SDK1: variants seen among roughly 807,000 people sequenced by gnomAD.
SDK1 encodes sidekick cell adhesion molecule 1.
Under a neutral mutation model 245.5 loss-of-function variants are expected in SDK1, and 157 were observed. That is an observed-to-expected ratio of 0.64 (90% CI 0.56 to 0.73). SDK1 has a LOEUF of 0.73. SDK1 is among the 30% of genes least tolerant of loss of function. The probability of loss-of-function intolerance (pLI) is 0.00; values close to 1 mark genes in which losing one functional copy is unlikely to be tolerated. For missense variants in SDK1, 3,583 were observed against 3,002.3 expected (o/e 1.19, Z -4.52); for synonymous variants, 1,647 against 1,278.5 (o/e 1.29, Z -6.15).
At chr7:3,579,783 A>G (rs563390594) in intron 1 of SDK1, among the ~76,000 whole-genome samples, 9 of 152,308 alleles carry the variant, frequency 5.9e-5, no homozygotes, top group African/African-American at 2.2e-4. Context: ...CAGGCAAAGA[A>G]AGGGCATCCA....
chr7:3,710,465 A>G (rs566715259), intron 4 of SDK1, among the ~76,000 whole-genome samples: 5 of 152,358 alleles, frequency 3.3e-5, no homozygotes, highest in Non-Finnish European at 5.9e-5. Flanking sequence ...TTAAGGACTA[A>G]TGTCATTAGG....
At chr7:3,728,742 A>G (rs1351565990) in intron 4 of SDK1, among the ~76,000 whole-genome samples, 1 of 152,112 alleles carries the variant, frequency 6.6e-6, no homozygotes, top group African/African-American at 2.4e-5. Flanking sequence ...AGTAGCTGGG[A>G]TTACAGGCAT....
intron 4 of SDK1, among the ~76,000 whole-genome samples, chr7:3,646,972 T>C (rs6945355): frequency 0.037 from 5,613 of 152,292 alleles, 308 homozygotes; most frequent in African/African-American, 0.12. Flanking sequence ...TGGGGAGTTA[T>C]GTTTAATGGG....
chr7:3,603,471 T>C (rs962343357), intron 1 of SDK1, among the ~76,000 whole-genome samples: 1 of 151,596 alleles, frequency 6.6e-6, no homozygotes, highest in Non-Finnish European at 1.5e-5. Flanking sequence ...ACTCATGATT[T>C]GGCTCTCTGT....
chr7:4,238,110 C>T (rs1786294631), intron 42 of SDK1, among the ~76,000 whole-genome samples: 1 of 151,428 alleles, frequency 6.6e-6, no homozygotes, highest in Admixed American at 6.6e-5. Flanking sequence ...TTTACAGTCT[C>T]ACTCTGTCAC....
intron 1 of SDK1, among the ~76,000 whole-genome samples, chr7:3,456,436 A>T (rs1302780736): frequency 1.3e-5 from 2 of 152,112 alleles, no homozygotes; most frequent in Non-Finnish European, 2.9e-5. Context: ...GTTGCTGGTC[A>T]ATTCCATTGC....
chr7:3,803,923 C>T (rs1033662664), intron 4 of SDK1, among the ~76,000 whole-genome samples: 1 of 151,678 alleles, frequency 6.6e-6, no homozygotes, highest in Non-Finnish European at 1.5e-5. Flanking sequence ...CGCCACCACG[C>T]CTGGTTAATT....
chr7:4,210,052 T>C lies in SDK1; in HGVS notation c.5429T>C (p.Phe1810Ser). The C allele has an allele frequency of 6.3e-7, 1 of 1,597,748 alleles. No individual in the cohort carries two copies. Among genetic ancestry groups the C allele is most frequent in the Non-Finnish European group, 8.5e-7 (1 of 1,174,108 alleles). ...AAPGAPSFLA[F>S]SEITSTTLNV... Reference sequence around the variant, plus strand: ...CCTGGGGCCCCCAGCTTTCTGGCGTTCTCAGAAATAACCTCCACCACGCTC... The same window carrying C: ...CCTGGGGCCCCCAGCTTTCTGGCGTCCTCAGAAATAACCTCCACCACGCTC... The change falls in exon 38 of 45, where the codon TTC (phenylalanine) becomes TCC (serine). Residue 1810 changes from phenylalanine to serine, a missense_variant. Transcript: ENST00000404826.
intron 13 of SDK1, among the ~76,000 whole-genome samples, chr7:3,981,396 A>G (rs1332383962): frequency 2.0e-5 from 3 of 152,122 alleles, no homozygotes; most frequent in African/African-American, 7.2e-5. Context: ...GCCAGTTAAT[A>G]ACCCTGCAAA....
intron 4 of SDK1, among the ~76,000 whole-genome samples, chr7:3,676,839 A>G (rs1422705145): frequency 2.6e-5 from 4 of 151,994 alleles, no homozygotes; most frequent in African/African-American, 9.7e-5. Context: ...GTGTGGCTTT[A>G]TTTCTGGGTT....
chr7:3,484,253 T>G (rs961393942), intron 1 of SDK1, among the ~76,000 whole-genome samples: 1 of 152,228 alleles, frequency 6.6e-6, no homozygotes, highest in Admixed American at 6.5e-5. Flanking sequence ...CTGTACAGTT[T>G]TGTAGGATTT....
chr7:3,807,248 A>AACCTCCAGAACAGTCCCAAAGAAGGCC, intron 4 of SDK1, among the ~76,000 whole-genome samples: 1 of 152,164 alleles, frequency 6.6e-6, no homozygotes, highest in South Asian at 2.1e-4. Flanking sequence ...TGGAGAAGGT[A>AACCTCCAGAACAGTCCCAAAGAAGGCC]ACCTCCAGAA....
intron 1 of SDK1, among the ~76,000 whole-genome samples, chr7:3,534,291 G>C (rs1160114193): frequency 6.6e-6 from 1 of 151,882 alleles, no homozygotes; most frequent in Non-Finnish European, 1.5e-5. Context: ...CCATTCATCT[G>C]TCACCAGGCA....
At position 4,266,725 on chromosome 7, in the gene SDK1, C is replaced by T. The variant is rs1583211208; in HGVS notation, c.*1341C>T. The T allele has an allele frequency of 2.0e-6, 2 of 985,390 alleles. No homozygotes were observed. Among genetic ancestry groups the T allele is most frequent in the East Asian group, 1.1e-4 (1 of 8,824 alleles). The allele number at this position is 985,390 out of a possible 1,614,324, so 61.0% of individuals were successfully genotyped here. On this transcript the variant is annotated 3_prime_UTR_variant, in exon 45 of 45. Transcript: ENST00000404826. ...CAACAGACGACTGGGCTGCCATGGT[C>T]CACCCCTCAGCCCGGGTCCCGGGTC...
chr7:3,696,572 T>TTGTGTGTGTGTGTG (rs71552319), intron 4 of SDK1, among the ~76,000 whole-genome samples: 22 of 148,010 alleles, frequency 1.5e-4, no homozygotes, highest in African/African-American at 4.5e-4. Context: ...TTCTCTGTGT[T>TTGTGTGTGTGTGTG]TGTGTGTGTG....
chr7:4,157,860 G>A (rs1325788162), intron 30 of SDK1, among the ~76,000 whole-genome samples: 1 of 152,148 alleles, frequency 6.6e-6, no homozygotes, highest in African/African-American at 2.4e-5. Context: ...GGGGCTGGCG[G>A]GTCTCTGCCT....
chr7:3,450,745 G>A (rs1182613455), intron 1 of SDK1, among the ~76,000 whole-genome samples: 4 of 152,150 alleles, frequency 2.6e-5, no homozygotes, highest in African/African-American at 9.7e-5. Flanking sequence ...CATTATCAGT[G>A]TATATAGGTG....
chr7:4,055,594 G>A (rs1278645774), intron 19 of SDK1, among the ~76,000 whole-genome samples: 1 of 151,580 alleles, frequency 6.6e-6, no homozygotes, highest in Non-Finnish European at 1.5e-5. Flanking sequence ...TCTTGTTCCA[G>A]GTCTCCTCTT....
Position 3,422,088 on chromosome 7 carries a change from A to G in SDK1, c.298+120204A>G, listed in dbSNP as rs531906173. Among the ~76,000 whole-genome samples the G allele has an allele frequency of 1.3e-3, 199 of 152,318 alleles. 1 individual carries two copies. Among genetic ancestry groups the G allele is most frequent in the African/African-American group, 4.6e-3 (192 of 41,570 alleles). On this transcript the variant is annotated intron_variant, in intron 1 of 44. Coordinates refer to ENST00000404826, the MANE Select transcript of SDK1 (RefSeq NM_152744.4). ...GAGGCCTTAATAACAACAACAGCAA[A>G]AATGAGATGTATCTATCTATAATGA...
Sources: allele counts gnomAD v4.1 joint callset (sites outside exome capture counted in the v4.1 genomes callset), GRCh38; gene constraint gnomAD v4.1.1; transcripts MANE v1.5; gene names NCBI Gene and HGNC (gene_info 2026-07-23, HGNC 2026-07-21).